PGD: variants seen among roughly 807,000 people sequenced by gnomAD.
PGD encodes 6-phosphogluconate dehydrogenase, decarboxylating.
Under a neutral mutation model 60.4 loss-of-function variants are expected in PGD, and 21 were observed. The observed-to-expected ratio is 0.35, with a 90% CI of 0.25 to 0.50. The LOEUF (loss-of-function observed/expected upper bound fraction) is 0.50. PGD is among the 20% of genes least tolerant of loss of function. The probability of loss-of-function intolerance (pLI) is 0.98; values close to 1 mark genes in which losing one functional copy is unlikely to be tolerated. For synonymous variants in PGD, 230 were observed against 235.9 expected (o/e 0.97, Z 0.23); for missense variants, 477 against 613.1 (o/e 0.78, Z 2.34).
intron 5 of PGD, among the ~76,000 whole-genome samples, chr1:10,405,449 A>G (rs1639386284): frequency 6.9e-6 from 1 of 144,070 alleles, no homozygotes; most frequent in African/African-American, 2.6e-5. Context: ...ATTGTGGGCA[A>G]TCCGATATAT....
chr1:10,399,912 G>A (rs1639287170), intron 2 of PGD: 3 of 598,374 alleles, frequency 5.0e-6, no homozygotes, highest in Non-Finnish European at 9.0e-6. Context: ...GTGCCTGTGG[G>A]TCCGTGAGGT....
chr1:10,411,348 A>G, intron 6 of PGD, 70 bp from the exon 7 acceptor site: 7 of 1,575,318 alleles, frequency 4.4e-6, no homozygotes, highest in Non-Finnish European at 6.1e-6. Flanking sequence ...TTGGCATGAA[A>G]GCTGATGTGG....
chr1:10,418,360 G>C (rs555598019), intron 10 of PGD, among the ~76,000 whole-genome samples: 5 of 152,290 alleles, frequency 3.3e-5, no homozygotes, highest in African/African-American at 1.2e-4. Flanking sequence ...ATGAGCGCTG[G>C]CAGCGAGCTG....
At chr1:10,410,177 G>A (rs983169535) in intron 6 of PGD, among the ~76,000 whole-genome samples, 15 of 152,108 alleles carry the variant, frequency 9.9e-5, no homozygotes, top group African/African-American at 2.7e-4. Flanking sequence ...AAGGCCAGGC[G>A]TGGTGGCTCA....
In PGD at chr1:10,399,495, T is replaced by C. The variant is rs1639273449; in HGVS notation, c.9-134T>C. The C allele has an allele frequency of 3.7e-6, 3 of 814,568 alleles. 1 individual carries two copies. Among genetic ancestry groups the C allele is most frequent in the Non-Finnish European group, 2.0e-6 (1 of 510,036 alleles). The allele number at this position is 814,568 out of a possible 1,614,324, so 50.5% of individuals were successfully genotyped here. A position where few individuals can be genotyped will look rare whatever the true frequency, so the allele number is the denominator to read the frequency against. ...GGCTCTGCAGCGTGCGCGCCCGGCT[T>C]CTGGGGGCCCGCGGGAGGCGCGGAG... On this transcript the variant is annotated intron_variant, in intron 1 of 12. Coordinates refer to ENST00000270776, the MANE Select transcript of PGD (RefSeq NM_002631.4).
At chr1:10,403,045 A>G (rs754137330) in intron 3 of PGD, 26 bp from the exon 4 acceptor site, 43 of 1,518,630 alleles carry the variant, frequency 2.8e-5, no homozygotes, top group African/African-American at 1.4e-5. Flanking sequence ...TTTTTGGTCC[A>G]TCTTAATGCT....
At position 10,404,214 on chromosome 1, in the gene PGD, CAGT is replaced by C. The variant is rs756217778; in HGVS notation, c.385_387del (p.Ser129del). On this transcript the variant is annotated inframe_deletion, in exon 5 of 13. Coordinates refer to ENST00000270776, the MANE Select transcript of PGD (RefSeq NM_002631.4). ...GAATTTTATTTGTGGGGAGCGGAGT[CAGT>C]GGTGGAGAGGAAGGGGCCCGGTATG... 1.9e-6 allele frequency: 3 copies of C among 1,613,906 alleles called. No homozygotes were observed. The highest frequency in any genetic ancestry group is 1.7e-6 in the Non-Finnish European group (2 of 1,179,912).
At chr1:10,405,425 C>CACACACACACATACAT (rs548786254) in intron 5 of PGD, among the ~76,000 whole-genome samples, 1 of 149,456 alleles carries the variant, frequency 6.7e-6, no homozygotes, top group South Asian at 2.1e-4. Flanking sequence ...CACACACACA[C>CACACACACACATACAT]ATATATATAA....
chr1:10,417,315 T>C, intron 9 of PGD, 61 bp from the exon 10 acceptor site: 1 of 1,536,590 alleles, frequency 6.5e-7, no homozygotes, highest in Non-Finnish European at 8.8e-7. Context: ...ATAAGACTGG[T>C]AGACATAAGG....
rs545595112 is a variant in PGD, at chr1:10,419,997, G to A, written c.*248G>A. 2.0e-4 allele frequency: 101 copies of A among 497,766 alleles called. 1 individual carries two copies. Among genetic ancestry groups the A allele is most frequent in the African/African-American group, 1.7e-3 (89 of 51,668 alleles). The allele number at this position is 497,766 out of a possible 1,614,324, so 30.8% of individuals were successfully genotyped here. On this transcript the variant is annotated 3_prime_UTR_variant, in exon 13 of 13. Transcript: ENST00000270776. Reference sequence around the variant, plus strand: ...GTGAGAGTGGGAACCATCTCCTTGCGGCAGTGGCTTCCGCGTGCCCCGTGT... The same window carrying A: ...GTGAGAGTGGGAACCATCTCCTTGCAGCAGTGGCTTCCGCGTGCCCCGTGT...
At chr1:10,400,335 C>T in intron 2 of PGD, 58 bp from the exon 3 acceptor site, 3 of 1,320,164 alleles carry the variant, frequency 2.3e-6, no homozygotes, top group South Asian at 1.3e-5. Flanking sequence ...TTACTTTGGC[C>T]ACAGTCTGAA....
intron 6 of PGD, among the ~76,000 whole-genome samples, chr1:10,409,325 C>T (rs1639458182): frequency 6.6e-6 from 1 of 152,146 alleles, no homozygotes; most frequent in Non-Finnish European, 1.5e-5. Flanking sequence ...CAGTGGTTGG[C>T]CATTGAGCTC....
chr1:10,414,596 C>T (rs774254047), intron 8 of PGD, among the ~76,000 whole-genome samples: 2 of 151,710 alleles, frequency 1.3e-5, no homozygotes, highest in Non-Finnish European at 2.9e-5. Flanking sequence ...AGGCTGGTCT[C>T]GAACTCCTAA....
chr1:10,407,589 T>A (rs1639429052), intron 5 of PGD, among the ~76,000 whole-genome samples: 1 of 152,204 alleles, frequency 6.6e-6, no homozygotes, highest in Non-Finnish European at 1.5e-5. Context: ...GGTCTGCAGT[T>A]GACCTTGAGA....
intron 3 of PGD, among the ~76,000 whole-genome samples, chr1:10,401,152 C>G (rs1383281349): frequency 6.6e-6 from 1 of 151,990 alleles, no homozygotes; most frequent in Non-Finnish European, 1.5e-5. Context: ...TTACAGTGAC[C>G]TGAGATTGTG....
At chr1:10,403,238 T>A (rs1277585677) in intron 4 of PGD, 102 bp downstream of exon 4, 2 of 787,218 alleles carry the variant, frequency 2.5e-6, no homozygotes, top group African/African-American at 3.4e-5. Flanking sequence ...CCTGTGGTAC[T>A]GATTTTTTTG....
chr1:10,416,925 G>A, intron 8 of PGD, 62 bp from the exon 9 acceptor site: 3 of 1,563,144 alleles, frequency 1.9e-6, no homozygotes, highest in Non-Finnish European at 2.6e-6. Flanking sequence ...GGATATGATA[G>A]TTTAGCTTGG....
At chr1:10,403,879 CA>C (rs1318657686) in intron 4 of PGD, among the ~76,000 whole-genome samples, 3 of 152,114 alleles carry the variant, frequency 2.0e-5, no homozygotes, top group African/African-American at 7.2e-5. Context: ...AGTAAAATGC[CA>C]ATGTGTGTTT....
intron 8 of PGD, among the ~76,000 whole-genome samples, chr1:10,415,572 G>A (rs1639581947): frequency 1.3e-5 from 2 of 152,208 alleles, no homozygotes; most frequent in Admixed American, 6.5e-5. Flanking sequence ...TGTTGCACCA[G>A]TCATCTTACA....
Sources: allele counts gnomAD v4.1 joint callset (sites outside exome capture counted in the v4.1 genomes callset), GRCh38; gene constraint gnomAD v4.1.1; transcripts MANE v1.5; gene names NCBI Gene and HGNC (gene_info 2026-07-23, HGNC 2026-07-21).